The following NOSTRIN variants were observed in gnomAD, a reference collection of about 807,000 sequenced individuals.
The protein encoded by NOSTRIN is BM247 homolog.
Under a neutral mutation model 59.0 loss-of-function variants are expected in NOSTRIN, and 63 were observed. The ratio of observed to expected loss-of-function variants is 1.07; its 90% confidence interval spans 0.87 to 1.32. The LOEUF (loss-of-function observed/expected upper bound fraction) is 1.32. NOSTRIN is among the 40% of genes most tolerant of loss of function. The pLI is 0.00. For missense variants in NOSTRIN, 512 were observed against 473.1 expected, an observed-to-expected ratio of 1.08 and a Z score of -0.76; for synonymous variants, 200 against 165.4, an observed-to-expected ratio of 1.21 and a Z score of -1.61.
intron 8 of NOSTRIN, chr2:168,850,802 TTTC>T: frequency 1.3e-6 from 1 of 767,022 alleles, no homozygotes. Flanking sequence ...AATGCTTCCT[TTTC>T]TTCTTTTCTC....
intron 7 of NOSTRIN, among the ~76,000 whole-genome samples, chr2:168,837,826 G>A (rs531648102): frequency 1.1e-4 from 17 of 152,134 alleles, no homozygotes; most frequent in African/African-American, 2.7e-4. Context: ...TTTATTTCCC[G>A]TTTCTAGAAA....
At chr2:168,816,685 G>A (rs1476846343) in intron 2 of NOSTRIN, among the ~76,000 whole-genome samples, 10 of 152,178 alleles carry the variant, frequency 6.6e-5, no homozygotes, top group Non-Finnish European at 1.0e-4. Flanking sequence ...TCTATGTGTA[G>A]AATTAGTGCT....
rs763618110 is a variant in NOSTRIN at position 168,811,618 on chromosome 2, T to A, written c.79T>A (p.Phe27Ile). 4.6e-6 allele frequency: 4 copies of A among 863,954 alleles called. No individual in the cohort carries two copies. The highest frequency in any genetic ancestry group is 8.0e-6 in the Non-Finnish European group (4 of 498,532). The allele number at this position is 863,954 out of a possible 1,614,324, so 53.5% of individuals were successfully genotyped here. The part of the protein sequence containing the change: ...LKEFSQNGEN[F>I]CKQVTSVLQQ... ...GGAGTTTTCTCAAAATGGAGAGAAT[T>A]TCTGCAAACAGGTCACATCTGTTCT... The change falls in exon 2 of 16, where the codon TTC (phenylalanine) becomes ATC (isoleucine). Residue 27 changes from phenylalanine to isoleucine, a missense_variant. Transcript: ENST00000317647.
intron 1 of NOSTRIN, among the ~76,000 whole-genome samples, chr2:168,803,354 G>GA (rs1369493992): frequency 6.6e-6 from 1 of 152,132 alleles, no homozygotes. Context: ...TGTTTACTTT[G>GA]AAAATAAAGT....
intron 7 of NOSTRIN, among the ~76,000 whole-genome samples, chr2:168,838,512 T>A (rs569874537): frequency 6.6e-6 from 1 of 152,268 alleles, no homozygotes; most frequent in East Asian, 1.9e-4. Flanking sequence ...AATACTGGGA[T>A]TACAGGCGCG....
At chr2:168,827,357 G>A (rs996315543) in intron 3 of NOSTRIN, among the ~76,000 whole-genome samples, 4 of 152,036 alleles carry the variant, frequency 2.6e-5, no homozygotes, top group Admixed American at 6.6e-5. Flanking sequence ...TTAACTATCT[G>A]AGCTGTTGTC....
chr2:168,820,664 A>T (rs1686682118), intron 2 of NOSTRIN, among the ~76,000 whole-genome samples: 1 of 149,728 alleles, frequency 6.7e-6, no homozygotes, highest in South Asian at 2.1e-4. Context: ...CTGGTTTCCT[A>T]CCATGCTCAA....
chr2:168,796,403 C>T (rs1359164034), upstream of NOSTRIN, among the ~76,000 whole-genome samples: 3 of 152,208 alleles, frequency 2.0e-5, no homozygotes, highest in African/African-American at 7.2e-5. Flanking sequence ...ACCCCAGCAG[C>T]TTGGCTAAGT....
At chr2:168,836,050 A>G (rs138175032) in intron 7 of NOSTRIN, among the ~76,000 whole-genome samples, 1 of 152,250 alleles carries the variant, frequency 6.6e-6, no homozygotes, top group African/African-American at 2.4e-5. Context: ...TGTCATCACC[A>G]GTAGCTCTTT....
chr2:168,811,600 T>C lies in NOSTRIN; in HGVS notation c.61T>C (p.Ser21Pro), dbSNP rs1435560963. 2 of 863,928 alleles carry C rather than the reference T, an allele frequency of 2.3e-6. No individual in the cohort carries two copies. The highest frequency in any genetic ancestry group is 2.0e-6 in the Non-Finnish European group (1 of 498,514). The allele number at this position is 863,928 out of a possible 1,614,324, so 53.5% of individuals were successfully genotyped here. Reference sequence around the variant, plus strand: ...AGTATACAAGAACCTAAAGGAGTTTTCTCAAAATGGAGAGAATTTCTGCAA... The same window carrying C: ...AGTATACAAGAACCTAAAGGAGTTTCCTCAAAATGGAGAGAATTTCTGCAA... ...NKVYKNLKEF[S>P]QNGENFCKQV... The change falls in exon 2 of 16, where the codon TCT becomes CCT. Residue 21 changes from serine to proline, a missense_variant. Physicochemically the swap from Ser to Pro is moderately conservative, Grantham distance 74. Coordinates refer to ENST00000317647, the MANE Select transcript of NOSTRIN (RefSeq NM_001039724.4).
intron 8 of NOSTRIN, among the ~76,000 whole-genome samples, chr2:168,844,564 G>A (rs1187726290): frequency 6.6e-6 from 1 of 152,166 alleles, no homozygotes; most frequent in African/African-American, 2.4e-5. Flanking sequence ...CTGGAAAGAT[G>A]AAGCAATGAG....
intron 15 of NOSTRIN, among the ~76,000 whole-genome samples, chr2:168,862,282 C>T (rs1423129897): frequency 6.6e-6 from 1 of 152,180 alleles, no homozygotes; most frequent in Non-Finnish European, 1.5e-5. Flanking sequence ...ATTTAATATT[C>T]ATGAAACCCT....
upstream of NOSTRIN, among the ~76,000 whole-genome samples, chr2:168,798,798 G>A (rs1308335208): frequency 1.1e-4 from 3 of 26,570 alleles, no homozygotes; most frequent in Admixed American, 5.5e-4. Context: ...GAGATGCTTC[G>A]ATCGATCGAT....
chr2:168,863,533 A>G lies in NOSTRIN; in HGVS notation c.1385-1301A>G, dbSNP rs967369397. The G allele has an allele frequency of 1.0e-5, 10 of 985,222 alleles. No homozygotes were observed. In the South Asian group the frequency reaches 2.8e-4, roughly 28 times the overall value. The allele number at this position is 985,222 out of a possible 1,614,324, so 61.0% of individuals were successfully genotyped here. A position where few individuals can be genotyped will look rare whatever the true frequency, so the allele number is the denominator to read the frequency against. ...TGACAAGAGCCATGTTTCTTGTCCA[A>G]TTCTCTATGGAATTCTCTTTATTTG... On this transcript the variant is annotated intron_variant, in intron 15 of 15. Coordinates refer to ENST00000317647, the MANE Select transcript of NOSTRIN (RefSeq NM_001039724.4).
chr2:168,860,249 T>A (rs1439616471), intron 13 of NOSTRIN, among the ~76,000 whole-genome samples: 1 of 152,208 alleles, frequency 6.6e-6, no homozygotes, highest in Non-Finnish European at 1.5e-5. Context: ...CCTAGACACA[T>A]AGGTTAGAAT....
chr2:168,794,823 G>C (rs62175691), upstream of NOSTRIN, among the ~76,000 whole-genome samples: 2,984 of 150,256 alleles, frequency 0.02, 42 homozygotes, highest in Middle Eastern at 0.031. Flanking sequence ...TCAAACTCCT[G>C]GGCTCAAGGG....
At chr2:168,849,634 G>A (rs1268609877) in intron 8 of NOSTRIN, among the ~76,000 whole-genome samples, 1 of 141,278 alleles carries the variant, frequency 7.1e-6, no homozygotes, top group Non-Finnish European at 1.5e-5. Context: ...GGGATTATAG[G>A]CATGAGCCAC....
chr2:168,839,884 C>CAAAA (rs58341006), intron 7 of NOSTRIN, among the ~76,000 whole-genome samples: 698 of 30,932 alleles, frequency 0.023, 14 homozygotes, highest in African/African-American at 0.065. Context: ...GACTCCGTCT[C>CAAAA]AAAAAAAAAA....
chr2:168,790,686 C>T (rs769094358), intron 2 of NOSTRIN, among the ~76,000 whole-genome samples: 51 of 152,204 alleles, frequency 3.4e-4, no homozygotes, highest in Non-Finnish European at 6.6e-4. Context: ...AACATAGTGA[C>T]TGAATGCCAG....
Sources: allele counts gnomAD v4.1 joint callset (sites outside exome capture counted in the v4.1 genomes callset), GRCh38; gene constraint gnomAD v4.1.1; transcripts MANE v1.5; gene names NCBI Gene and HGNC (gene_info 2026-07-23, HGNC 2026-07-21).